The following STK39 variants were observed in gnomAD, a reference collection of about 807,000 sequenced individuals.
STK39 encodes serine/threonine kinase 39.
In STK39, 20 loss-of-function variants were observed where a neutral mutation model predicts 77.8. That is an observed-to-expected ratio of 0.26 (90% CI 0.18 to 0.37). The LOEUF (loss-of-function observed/expected upper bound fraction) is 0.37, where lower values mean the gene tolerates loss of function less well. STK39 is among the 10% of genes least tolerant of loss of function. STK39 has a pLI of 1.00. For synonymous variants in STK39, 246 were observed against 234.1 expected, an observed-to-expected ratio of 1.05 and a Z score of -0.47; for missense variants, 479 against 656.5, an observed-to-expected ratio of 0.73 and a Z score of 2.95.
At chr2:168,160,915 G>A (rs181237642) in intron 5 of STK39, among the ~76,000 whole-genome samples, 27 of 148,206 alleles carry the variant, frequency 1.8e-4, no homozygotes, top group African/African-American at 5.7e-4. Flanking sequence ...CAGCCTCCAC[G>A]ATGAGGAGAG....
chr2:167,962,122 A>G (rs1384439932), intron 17 of STK39, among the ~76,000 whole-genome samples: 2 of 152,206 alleles, frequency 1.3e-5, no homozygotes, highest in African/African-American at 4.8e-5. Context: ...GACAATTTTC[A>G]GGCCCCTGAC....
At chr2:168,108,172 C>T (rs2105464443) in intron 10 of STK39, among the ~76,000 whole-genome samples, 1 of 152,292 alleles carries the variant, frequency 6.6e-6, no homozygotes, top group Admixed American at 6.5e-5. Context: ...GTCAAGAGCA[C>T]AGTTTGGGAG....
intron 17 of STK39, among the ~76,000 whole-genome samples, chr2:167,956,468 G>T (rs1029694824): frequency 1.3e-5 from 2 of 151,760 alleles, no homozygotes; most frequent in African/African-American, 4.9e-5. Context: ...GAGGGCTGAG[G>T]CAGGGGAATC....
At chr2:168,160,331 C>T (rs1039717931) in intron 5 of STK39, among the ~76,000 whole-genome samples, 3 of 152,166 alleles carry the variant, frequency 2.0e-5, no homozygotes, top group Non-Finnish European at 2.9e-5. Flanking sequence ...ATAAGTATTA[C>T]CTTTTGATAA....
intron 16 of STK39, among the ~76,000 whole-genome samples, chr2:167,993,148 G>GA (rs1683744311): frequency 6.6e-6 from 1 of 152,216 alleles, no homozygotes; most frequent in African/African-American, 2.4e-5. Context: ...ATTTATGTAA[G>GA]ACATTTAAAA....
At chr2:168,152,105 T>C (rs1296027633) in intron 5 of STK39, among the ~76,000 whole-genome samples, 3 of 152,222 alleles carry the variant, frequency 2.0e-5, no homozygotes, top group Non-Finnish European at 2.9e-5. Flanking sequence ...AGCCCAGATG[T>C]GCTGAAGGTT....
intron 10 of STK39, among the ~76,000 whole-genome samples, chr2:168,123,884 A>T (rs540504914): frequency 6.6e-6 from 1 of 151,906 alleles, no homozygotes; most frequent in Non-Finnish European, 1.5e-5. Flanking sequence ...AAAAAAAAAA[A>T]AAAAAAGTTA....
At chr2:168,079,637 T>C (rs944353117) in intron 10 of STK39, among the ~76,000 whole-genome samples, 1 of 152,150 alleles carries the variant, frequency 6.6e-6, no homozygotes, top group African/African-American at 2.4e-5. Context: ...TTGTTAGAAA[T>C]GCAGAATCTT....
At chr2:168,124,143 G>A (rs1687480480) in intron 10 of STK39, among the ~76,000 whole-genome samples, 1 of 152,098 alleles carries the variant, frequency 6.6e-6, no homozygotes, top group Non-Finnish European at 1.5e-5. Context: ...ACCTCCTTCT[G>A]ATAATGACTA....
At chr2:168,152,363 C>T (rs4668028) in intron 5 of STK39, among the ~76,000 whole-genome samples, 63,560 of 152,024 alleles carry the variant, frequency 0.42, 14,942 homozygotes, top group East Asian at 0.67. Flanking sequence ...TTCTTCAAAA[C>T]AGTACTGAGA....
chr2:168,027,270 G>C (rs1192904969), intron 14 of STK39, among the ~76,000 whole-genome samples: 5 of 152,130 alleles, frequency 3.3e-5, no homozygotes, highest in Non-Finnish European at 7.3e-5. Flanking sequence ...AAGGCTGTGA[G>C]AATAGTAGCT....
chr2:168,108,682 T>C (rs975460784), intron 10 of STK39, among the ~76,000 whole-genome samples: 6 of 152,136 alleles, frequency 3.9e-5, no homozygotes, highest in Non-Finnish European at 7.4e-5. Flanking sequence ...TGGTCTGTCA[T>C]AGGTAAGAAA....
chr2:168,140,016 A>G (rs1397257682), intron 7 of STK39, among the ~76,000 whole-genome samples: 3 of 152,198 alleles, frequency 2.0e-5, no homozygotes, highest in Admixed American at 6.5e-5. Flanking sequence ...AATGACCAGC[A>G]TTTGTCATAG....
intron 14 of STK39, among the ~76,000 whole-genome samples, chr2:168,026,651 C>G (rs146286374): frequency 5.1e-4 from 78 of 152,296 alleles, no homozygotes; most frequent in African/African-American, 1.8e-3. Flanking sequence ...AGGGGAGGTG[C>G]AATCTCTAAA....
In STK39 at chr2:168,065,306, C is replaced by A; in HGVS notation, c.1305+13G>T. Reference sequence around the variant, plus strand: ...AAAGCACCTCAAACGGAATGACTGGCAGAGAAACATACCTGAGAGTCGTGC... The same window carrying A: ...AAAGCACCTCAAACGGAATGACTGGAAGAGAAACATACCTGAGAGTCGTGC... On this transcript the variant is annotated intron_variant, in intron 13 of 17. Transcript: ENST00000355999. The A allele has an allele frequency of 6.2e-7, 1 of 1,613,744 alleles. No individual in the cohort carries two copies. Among genetic ancestry groups the A allele is most frequent in the Non-Finnish European group, 8.5e-7 (1 of 1,179,742 alleles).
rs1213358903 is a variant in STK39, at chr2:168,247,061, T to TTAAA, written c.208+166_208+167insTTTA. On this transcript the variant is annotated intron_variant, in intron 1 of 17. Transcript: ENST00000355999. ...TAGAACGAACAAATACATTAAAAAT[T>TTAAA]AAAAAAAAAAAAAAAAAAAAAAAAA... 4.3e-3 allele frequency among the ~76,000 whole-genome samples: 382 copies of TTAAA among 89,282 alleles called. 39 individuals are homozygous for TTAAA. Among genetic ancestry groups the TTAAA allele is most frequent in the Non-Finnish European group, 4.9e-3 (224 of 45,788 alleles). The allele number at this position is 89,282 out of a possible 152,430, so 58.6% of individuals were successfully genotyped here.
intron 1 of STK39, among the ~76,000 whole-genome samples, chr2:168,220,253 G>A (rs752819254): frequency 6.6e-6 from 1 of 152,014 alleles, no homozygotes; most frequent in Non-Finnish European, 1.5e-5. Context: ...AGCAACAAAT[G>A]CCCAACAAAG....
In STK39 at chr2:168,139,408, T is replaced by TTATA. The variant is rs71003023; in HGVS notation, c.840+877_840+880dup. Among the ~76,000 whole-genome samples, 1,440 of 144,494 alleles carry TTATA rather than the reference T, an allele frequency of 1.0e-2. 41 individuals are homozygous for TTATA. The highest frequency in any genetic ancestry group is 0.036 in the African/African-American group (1,349 of 37,862). 94.8% of individuals were successfully genotyped at this position (144,494 alleles called of 152,430 possible). A position where few individuals can be genotyped will look rare whatever the true frequency, so the allele number is the denominator to read the frequency against. ...AAATCCTAACTATGTTAAAAAAAAT[T>TTATA]TATATATATATATATAAAAACAATA... is the stretch of plus-strand genomic sequence containing the variant. On this transcript the variant is annotated intron_variant, in intron 7 of 17. Coordinates refer to ENST00000355999, the MANE Select transcript of STK39 (RefSeq NM_013233.3).
At chr2:168,065,404 A>C (rs778821464) in intron 12 of STK39, 23 bp from the exon 13 acceptor site, 2 of 1,613,854 alleles carry the variant, frequency 1.2e-6, no homozygotes, top group Middle Eastern at 1.7e-4. Flanking sequence ...CCACCGTTAC[A>C]GCATTCAAGA....
Sources: allele counts gnomAD v4.1 joint callset (sites outside exome capture counted in the v4.1 genomes callset), GRCh38; gene constraint gnomAD v4.1.1; transcripts MANE v1.5; gene names NCBI Gene and HGNC (gene_info 2026-07-23, HGNC 2026-07-21).